The following NRXN1 variants were observed in gnomAD, a reference collection of about 807,000 sequenced individuals.
The protein encoded by NRXN1 is neurexin-1.
NRXN1 carries 39 observed loss-of-function variants against 150.9 expected under a neutral mutation model. The ratio of observed to expected loss-of-function variants is 0.26; its 90% confidence interval spans 0.20 to 0.34. The LOEUF is 0.34. NRXN1 is among the 10% of genes least tolerant of loss of function. The probability of loss-of-function intolerance (pLI) is 1.00; values close to 1 mark genes in which losing one functional copy is unlikely to be tolerated. For missense variants in NRXN1, 1,815 were observed against 1,949.9 expected (o/e 0.93, Z 1.30); for synonymous variants, 924 against 757.0 (o/e 1.22, Z -3.62).
chr2:49,980,295 G>T (rs2152506889), intron 21 of NRXN1, among the ~76,000 whole-genome samples: 1 of 152,248 alleles, frequency 6.6e-6, no homozygotes, highest in Admixed American at 6.5e-5. Flanking sequence ...AACTCAGATG[G>T]ATTCCAAGAG....
Position 50,440,365 on chromosome 2 carries a change from C to T in NRXN1, c.3364+25077G>A, listed in dbSNP as rs56759452. Among the ~76,000 whole-genome samples, 367 of 152,064 alleles carry T rather than the reference C, an allele frequency of 2.4e-3. 4 individuals are homozygous for T. Among genetic ancestry groups the T allele is most frequent in the African/African-American group, 8.3e-3 (345 of 41,482 alleles). ...CAACCACTTAATGTTTCAAACCTGA[C>T]GGATCTAGTTTCTGAAACCAAATCT... On this transcript the variant is annotated intron_variant, in intron 17 of 22. Transcript: ENST00000401669.
intron 17 of NRXN1, among the ~76,000 whole-genome samples, chr2:50,284,671 T>C (rs1394456335): frequency 6.6e-6 from 1 of 152,210 alleles, no homozygotes; most frequent in East Asian, 1.9e-4. Flanking sequence ...CACTCTTATC[T>C]ACTTAATGTA....
At chr2:50,782,276 C>T (rs954895340) in intron 5 of NRXN1, among the ~76,000 whole-genome samples, 1 of 151,976 alleles carries the variant, frequency 6.6e-6, no homozygotes, top group Non-Finnish European at 1.5e-5. Context: ...TGAGACCATC[C>T]TGGCCAACCT....
Position 50,798,263 on chromosome 2 carries a change from A to G in NRXN1, c.832+123606T>C, listed in dbSNP as rs535913710. On this transcript the variant is annotated intron_variant, in intron 5 of 22. Coordinates refer to ENST00000401669, the MANE Select transcript of NRXN1 (RefSeq NM_001330078.2). ...TGCAGACCCTCAAAATCCCAAATCA[A>G]TATTTTCCTCAATAGTCAAAAAGCA... Among the ~76,000 whole-genome samples the G allele has an allele frequency of 1.5e-3, 230 of 152,264 alleles. 1 individual carries two copies. Among genetic ancestry groups the G allele is most frequent in the African/African-American group, 5.4e-3 (224 of 41,568 alleles).
At chr2:50,073,906 C>A (rs1017493006) in intron 19 of NRXN1, among the ~76,000 whole-genome samples, 1 of 152,116 alleles carries the variant, frequency 6.6e-6, no homozygotes, top group East Asian at 1.9e-4. Flanking sequence ...TATTTTATAG[C>A]AACTTGGTAC....
At chr2:50,266,310 T>C (rs2068858996) in intron 17 of NRXN1, among the ~76,000 whole-genome samples, 1 of 150,060 alleles carries the variant, frequency 6.7e-6, no homozygotes, top group Non-Finnish European at 1.5e-5. Context: ...AGGATCAATT[T>C]TGAGATCACT....
At chr2:50,938,221 T>C (rs1054110776) in intron 2 of NRXN1, among the ~76,000 whole-genome samples, 7 of 152,120 alleles carry the variant, frequency 4.6e-5, no homozygotes, top group African/African-American at 1.4e-4. Flanking sequence ...TTTATAAACA[T>C]GGTACATTTA....
intron 5 of NRXN1, among the ~76,000 whole-genome samples, chr2:50,655,331 C>A (rs185361204): frequency 6.6e-6 from 1 of 151,990 alleles, no homozygotes; most frequent in Admixed American, 6.6e-5. Flanking sequence ...TTTTTGCCTG[C>A]CCTTCAAAAA....
chr2:50,046,749 G>C (rs11688779), intron 21 of NRXN1, among the ~76,000 whole-genome samples: 17,632 of 152,010 alleles, frequency 0.12, 1,298 homozygotes, highest in East Asian at 0.19. Flanking sequence ...TTGGCTTCTG[G>C]AGTCAACGCC....
rs570573984 is a variant in NRXN1, at chr2:50,390,282, C to A, written c.3364+75160G>T. ...ATTCTCATAAGGATGATTAAGTTTTCCTAACTTCTCCTCCTGCCCTTTTTT... is the reference window on the plus strand; with the variant it reads ...ATTCTCATAAGGATGATTAAGTTTTACTAACTTCTCCTCCTGCCCTTTTTT... On this transcript the variant is annotated intron_variant, in intron 17 of 22. Coordinates refer to ENST00000401669, the MANE Select transcript of NRXN1 (RefSeq NM_001330078.2). 2.6e-5 allele frequency among the ~76,000 whole-genome samples: 4 copies of A among 152,162 alleles called. No individual in the cohort carries two copies. In the East Asian group the frequency reaches 7.7e-4, roughly 29 times the overall value.
chr2:50,426,765 C>T (rs1327620403), intron 17 of NRXN1, among the ~76,000 whole-genome samples: 1 of 152,166 alleles, frequency 6.6e-6, no homozygotes, highest in Non-Finnish European at 1.5e-5. Context: ...CTACCCAAAC[C>T]TTAAGATGTT....
At chr2:50,099,289 T>C (rs748476557) in intron 18 of NRXN1, among the ~76,000 whole-genome samples, 25 of 152,152 alleles carry the variant, frequency 1.6e-4, no homozygotes, top group Non-Finnish European at 3.4e-4. Flanking sequence ...GTATTCCTCA[T>C]TGTATCCTTC....
intron 17 of NRXN1, among the ~76,000 whole-genome samples, chr2:50,396,495 C>T (rs1421679047): frequency 6.6e-6 from 1 of 152,092 alleles, no homozygotes; most frequent in Non-Finnish European, 1.5e-5. Flanking sequence ...TTGAATTTTA[C>T]TAGGTAGTGA....
chr2:50,033,958 A>C (rs943970777), intron 21 of NRXN1, among the ~76,000 whole-genome samples: 2 of 150,208 alleles, frequency 1.3e-5, no homozygotes, highest in African/African-American at 4.9e-5. Flanking sequence ...AATGGCTATT[A>C]TTAAAAAGTG....
chr2:50,292,771 T>C (rs1167481379), intron 17 of NRXN1, among the ~76,000 whole-genome samples: 2 of 152,192 alleles, frequency 1.3e-5, no homozygotes, highest in Non-Finnish European at 2.9e-5. Context: ...GAGTGCACCT[T>C]TGATGCTGCC....
intron 17 of NRXN1, among the ~76,000 whole-genome samples, chr2:50,286,079 C>A (rs984139809): frequency 3.3e-5 from 5 of 152,052 alleles, no homozygotes; most frequent in Non-Finnish European, 7.4e-5. Flanking sequence ...ATATACATTG[C>A]AGAATGACTA....
intron 5 of NRXN1, among the ~76,000 whole-genome samples, chr2:50,645,692 C>T (rs191623893): frequency 2.6e-5 from 4 of 152,004 alleles, no homozygotes; most frequent in Admixed American, 2.6e-4. Context: ...GAACTAAGAT[C>T]AGACCAAATA....
At chr2:50,683,646 A>AAAAAAAAAAAAAAAAATATAT in intron 5 of NRXN1, among the ~76,000 whole-genome samples, 37 of 14,894 alleles carry the variant, frequency 2.5e-3, no homozygotes, top group African/African-American at 4.3e-3. Context: ...AAAAAAAAAA[A>AAAAAAAAAAAAAAAAATATAT]ATATATATAT....
At chr2:50,185,745 C>G (rs564437081) in intron 18 of NRXN1, 1 of 152,198 alleles carries the variant, frequency 6.6e-6, no homozygotes, top group African/African-American at 2.4e-5. Flanking sequence ...CTATATTTGA[C>G]TGTACAATAA....
Sources: gnomAD v4.1 joint callset for allele counts (sites outside exome capture counted in the v4.1 genomes callset) on GRCh38, gnomAD v4.1.1 for gene constraint, MANE v1.5 for transcripts, NCBI Gene and HGNC (gene_info 2026-07-23, HGNC 2026-07-21) for gene names.